Variants in ELMO1 observed in about 807,000 individuals in gnomAD.
ELMO1 encodes engulfment and cell motility 1, also known as engulfment and cell motility protein 1.
Under a neutral mutation model 98.9 loss-of-function variants are expected in ELMO1, and 26 were observed. That is an observed-to-expected ratio of 0.26 (90% CI 0.19 to 0.36). The LOEUF (loss-of-function observed/expected upper bound fraction) is 0.36. ELMO1 is among the 10% of genes least tolerant of loss of function. The pLI, the probability that ELMO1 is intolerant of heterozygous loss-of-function variation, is 1.00. For missense variants in ELMO1, 627 were observed against 935.2 expected, an observed-to-expected ratio of 0.67 and a Z score of 4.30; for synonymous variants, 346 against 346.0, an observed-to-expected ratio of 1.00 and a Z score of 0.00.
intron 13 of ELMO1, among the ~76,000 whole-genome samples, chr7:37,136,604 A>G (rs78221645): frequency 9.8e-5 from 15 of 152,332 alleles, no homozygotes; most frequent in African/African-American, 3.1e-4. Context: ...TCGGCCAAGA[A>G]TCTTGTATCC....
chr7:37,206,187 A>G (rs1280435393), intron 13 of ELMO1, among the ~76,000 whole-genome samples: 2 of 152,238 alleles, frequency 1.3e-5, no homozygotes, highest in African/African-American at 4.8e-5. Context: ...TTCACAGACT[A>G]TGTAGCAAGC....
chr7:37,111,428 C>T (rs1038525918), intron 14 of ELMO1, among the ~76,000 whole-genome samples: 2 of 152,234 alleles, frequency 1.3e-5, no homozygotes, highest in African/African-American at 4.8e-5. Flanking sequence ...AGGCCATAGA[C>T]TGTTGGGAGC....
At chr7:37,361,923 C>T (rs1248433201) in intron 1 of ELMO1, among the ~76,000 whole-genome samples, 1 of 152,222 alleles carries the variant, frequency 6.6e-6, no homozygotes, top group East Asian at 1.9e-4. Flanking sequence ...GGTTGCACCA[C>T]CACACTCCAG....
At chr7:37,219,368 G>A (rs1232465935) in intron 10 of ELMO1, among the ~76,000 whole-genome samples, 1 of 152,112 alleles carries the variant, frequency 6.6e-6, no homozygotes, top group Non-Finnish European at 1.5e-5. Context: ...CCAGATAATG[G>A]AGTCCTGTGA....
chr7:37,199,590 C>A (rs1792167111), intron 13 of ELMO1, among the ~76,000 whole-genome samples: 1 of 152,184 alleles, frequency 6.6e-6, no homozygotes, highest in Admixed American at 6.5e-5. Flanking sequence ...CCTCCCCATG[C>A]CGGAGTAGGA....
chr7:37,222,985 G>A (rs931773395), intron 9 of ELMO1, among the ~76,000 whole-genome samples: 3 of 152,126 alleles, frequency 2.0e-5, no homozygotes, highest in Non-Finnish European at 4.4e-5. Flanking sequence ...AGGGGATGTT[G>A]TAATTGATGT....
intron 1 of ELMO1, among the ~76,000 whole-genome samples, chr7:37,418,266 T>G (rs965087293): frequency 2.6e-5 from 4 of 152,182 alleles, no homozygotes. Flanking sequence ...TGCAGCACAT[T>G]TTGAACTGTC....
intron 15 of ELMO1, among the ~76,000 whole-genome samples, chr7:37,029,869 C>CT (rs895535484): frequency 9.9e-5 from 15 of 152,032 alleles, no homozygotes; most frequent in African/African-American, 3.6e-4. Context: ...GGGTGAAGAT[C>CT]TTTTTTAAAA....
rs112548644 is a variant in ELMO1, at chr7:37,195,441, C to G, written c.1086+15945G>C. 2.6e-5 allele frequency among the ~76,000 whole-genome samples: 4 copies of G among 152,370 alleles called. 1 individual carries two copies. Among genetic ancestry groups the G allele is most frequent in the African/African-American group, 9.6e-5 (4 of 41,588 alleles). On this transcript the variant is annotated intron_variant, in intron 13 of 21. Coordinates refer to ENST00000310758, the MANE Select transcript of ELMO1 (RefSeq NM_014800.11). Reference sequence around the variant, plus strand: ...ATTGCCTGGCATGATCCGTTACTATCAAAGTGCTCTACAGGTGACCGATGG... The same window carrying G: ...ATTGCCTGGCATGATCCGTTACTATGAAAGTGCTCTACAGGTGACCGATGG...
At chr7:37,395,068 A>G (rs1583680700) in intron 1 of ELMO1, among the ~76,000 whole-genome samples, 2 of 152,112 alleles carry the variant, frequency 1.3e-5, no homozygotes, top group African/African-American at 2.4e-5. Flanking sequence ...CTGTGTTTTA[A>G]GAGTTGCTCA....
chr7:37,125,897 C>G (rs1443264263), intron 14 of ELMO1, among the ~76,000 whole-genome samples: 1 of 152,054 alleles, frequency 6.6e-6, no homozygotes, highest in African/African-American at 2.4e-5. Flanking sequence ...GGAACCAAGC[C>G]AAATGTCCAA....
intron 2 of ELMO1, among the ~76,000 whole-genome samples, chr7:37,335,958 G>A (rs558739494): frequency 1.3e-5 from 2 of 152,288 alleles, no homozygotes; most frequent in East Asian, 1.9e-4. Flanking sequence ...CACTGTGGTG[G>A]TTCATGGACT....
intron 15 of ELMO1, among the ~76,000 whole-genome samples, chr7:37,016,356 C>T (rs1235883977): frequency 6.6e-6 from 1 of 152,156 alleles, no homozygotes; most frequent in African/African-American, 2.4e-5. Flanking sequence ...TGGACATCCT[C>T]ATTTTATATA....
chr7:37,172,992 TAAG>T (rs908380158), intron 13 of ELMO1, among the ~76,000 whole-genome samples: 7 of 152,240 alleles, frequency 4.6e-5, no homozygotes, highest in African/African-American at 1.7e-4. Flanking sequence ...CCTGAAACAA[TAAG>T]AAAATTGAGT....
intron 16 of ELMO1, among the ~76,000 whole-genome samples, chr7:36,971,376 A>G (rs1789936242): frequency 6.6e-6 from 1 of 152,238 alleles, no homozygotes; most frequent in African/African-American, 2.4e-5. Context: ...TTAAACAACC[A>G]TCCCAAAGGA....
chr7:37,194,279 T>C (rs563541080), intron 13 of ELMO1, among the ~76,000 whole-genome samples: 1 of 152,312 alleles, frequency 6.6e-6, no homozygotes, highest in South Asian at 2.1e-4. Flanking sequence ...CAAATGTCCT[T>C]TATCCTAAAT....
At chr7:37,249,857 T>C (rs1020317517) in intron 6 of ELMO1, among the ~76,000 whole-genome samples, 19 of 152,100 alleles carry the variant, frequency 1.2e-4, no homozygotes, top group African/African-American at 3.9e-4. Flanking sequence ...GGCAGGAGGA[T>C]TACTTGAGAC....
chr7:37,074,997 T>C (rs1188064040), intron 15 of ELMO1, among the ~76,000 whole-genome samples: 1 of 152,188 alleles, frequency 6.6e-6, no homozygotes, highest in Non-Finnish European at 1.5e-5. Context: ...CTGAAATTGC[T>C]TTCTCATGCC....
At chr7:36,931,058 C>A (rs935678385) in intron 16 of ELMO1, among the ~76,000 whole-genome samples, 1 of 152,136 alleles carries the variant, frequency 6.6e-6, no homozygotes, top group African/African-American at 2.4e-5. Flanking sequence ...TAAAATAATA[C>A]AGAATTTAAT....
Sources: allele counts gnomAD v4.1 joint callset (sites outside exome capture counted in the v4.1 genomes callset), GRCh38; gene constraint gnomAD v4.1.1; transcripts MANE v1.5; gene names NCBI Gene and HGNC (gene_info 2026-07-23, HGNC 2026-07-21).